Variants in FOXP2 observed in about 807,000 individuals in gnomAD.
FOXP2 encodes the protein forkhead box P2, also known as forkhead box protein P2.
Under a neutral mutation model 115.8 loss-of-function variants are expected in FOXP2, and 12 were observed. The ratio of observed to expected loss-of-function variants is 0.10; its 90% confidence interval spans 0.07 to 0.17. The LOEUF is 0.17. Among genes scored for constraint, FOXP2 ranks in the 10% least tolerant of loss-of-function variants. The probability of loss-of-function intolerance (pLI) is 1.00; values close to 1 mark genes in which losing one functional copy is unlikely to be tolerated. For synonymous variants in FOXP2, 328 were observed against 297.7 expected (o/e 1.10, Z -1.05); for missense variants, 629 against 843.5 (o/e 0.75, Z 3.15).
At chr7:114,099,122 A>G (rs772864921) in intron 1 of FOXP2, among the ~76,000 whole-genome samples, 5 of 152,140 alleles carry the variant, frequency 3.3e-5, no homozygotes, top group Non-Finnish European at 5.9e-5. Context: ...GCGACAGAGC[A>G]TGACCCTGTC....
At chr7:114,291,985 A>AATATATATTATAGATAATATATAGAAT (rs1796614608) in intron 2 of FOXP2, among the ~76,000 whole-genome samples, 1 of 33,176 alleles carries the variant, frequency 3.0e-5, no homozygotes, top group South Asian at 2.0e-3. Flanking sequence ...TAATATATAG[A>AATATATATTATAGATAATATATAGAAT]ATATATATTA....
intron 2 of FOXP2, among the ~76,000 whole-genome samples, chr7:114,508,855 A>T (rs1797943790): frequency 6.6e-6 from 1 of 152,074 alleles, no homozygotes; most frequent in East Asian, 1.9e-4. Flanking sequence ...AGAGTAATGA[A>T]TATAGCAAAT....
At chr7:114,672,508 C>T (rs974963533) in intron 16 of FOXP2, among the ~76,000 whole-genome samples, 2 of 151,966 alleles carry the variant, frequency 1.3e-5, no homozygotes, top group Admixed American at 1.3e-4. Context: ...TCGCTTGAAC[C>T]CAGGTGGCAG....
At chr7:114,460,647 T>C (rs1319354852) in intron 2 of FOXP2, among the ~76,000 whole-genome samples, 1 of 152,234 alleles carries the variant, frequency 6.6e-6, no homozygotes, top group Non-Finnish European at 1.5e-5. Flanking sequence ...TAAGTCTGAC[T>C]AGATAATTTT....
intron 1 of FOXP2, among the ~76,000 whole-genome samples, chr7:114,143,944 T>TA (rs1261596093): frequency 2.0e-5 from 3 of 152,154 alleles, no homozygotes; most frequent in African/African-American, 7.2e-5. Flanking sequence ...TGGTTTGACT[T>TA]ATAATTTTCT....
At chr7:114,159,794 A>G (rs1584514178), upstream of FOXP2, among the ~76,000 whole-genome samples, 1 of 152,204 alleles carries the variant, frequency 6.6e-6, no homozygotes, top group East Asian at 1.9e-4. Context: ...CTTGCAAAAG[A>G]CAGATTAATT....
At chr7:114,391,573 C>G (rs1792602988) in intron 2 of FOXP2, among the ~76,000 whole-genome samples, 1 of 152,176 alleles carries the variant, frequency 6.6e-6, no homozygotes, top group Non-Finnish European at 1.5e-5. Flanking sequence ...CAGAAACTGC[C>G]ATAGTGCCTG....
chr7:114,379,442 G>A (rs1392872164), intron 2 of FOXP2, among the ~76,000 whole-genome samples: 1 of 152,078 alleles, frequency 6.6e-6, no homozygotes, highest in Non-Finnish European at 1.5e-5. Flanking sequence ...GAAAACCCAA[G>A]TGTTGTTGGG....
chr7:114,510,862 A>G (rs1027172572), intron 2 of FOXP2, among the ~76,000 whole-genome samples: 52 of 152,200 alleles, frequency 3.4e-4, no homozygotes, highest in Non-Finnish European at 1.2e-4. Context: ...CTGGGTATAT[A>G]CCCAAAGGAT....
chr7:114,664,246 TG>T, intron 15 of FOXP2, 26 bp from the exon 16 acceptor site: 1 of 1,611,368 alleles, frequency 6.2e-7, no homozygotes, highest in South Asian at 1.1e-5. Flanking sequence ...TTTTGAAAGT[TG>T]TTTTACACAA....
chr7:114,113,219 A>C (rs1375795970), intron 1 of FOXP2, among the ~76,000 whole-genome samples: 1 of 152,158 alleles, frequency 6.6e-6, no homozygotes, highest in East Asian at 1.9e-4. Flanking sequence ...AAGAAGAAAT[A>C]AAAAAAGACC....
At chr7:114,332,403 A>T (rs1018587077) in intron 2 of FOXP2, among the ~76,000 whole-genome samples, 1 of 152,172 alleles carries the variant, frequency 6.6e-6, no homozygotes, top group Non-Finnish European at 1.5e-5. Context: ...TTGTTGCTGC[A>T]TGAGGAGGGT....
intron 1 of FOXP2, among the ~76,000 whole-genome samples, chr7:114,129,872 A>G (rs2129145065): frequency 6.6e-6 from 1 of 152,378 alleles, no homozygotes; most frequent in South Asian, 2.1e-4. Context: ...CAGGTACTAC[A>G]GAAAAGATAT....
chr7:114,346,623 A>G (rs1032273259), intron 2 of FOXP2, among the ~76,000 whole-genome samples: 10 of 151,864 alleles, frequency 6.6e-5, no homozygotes, highest in Non-Finnish European at 1.5e-4. Context: ...GTCATTTGCA[A>G]TTTCATAGAT....
intron 3 of FOXP2, among the ~76,000 whole-genome samples, chr7:114,540,140 A>T (rs1009444380): frequency 6.6e-6 from 1 of 152,066 alleles, no homozygotes; most frequent in African/African-American, 2.4e-5. Context: ...GTAATTTGTT[A>T]CTATTACCAG....
chr7:114,377,827 G>T (rs1792179518), intron 2 of FOXP2, among the ~76,000 whole-genome samples: 1 of 152,146 alleles, frequency 6.6e-6, no homozygotes, highest in African/African-American at 2.4e-5. Context: ...ACATTGTTTT[G>T]GAAGAGGAAA....
chr7:114,287,515 TTAAA>T (rs1195409612), intron 1 of FOXP2, among the ~76,000 whole-genome samples: 2 of 151,970 alleles, frequency 1.3e-5, no homozygotes, highest in Non-Finnish European at 2.9e-5. Context: ...AAATACAAAC[TTAAA>T]TAAGCATTTA....
intron 2 of FOXP2, among the ~76,000 whole-genome samples, chr7:114,470,598 G>A (rs1202460105): frequency 6.6e-6 from 1 of 152,080 alleles, no homozygotes; most frequent in African/African-American, 2.4e-5. Flanking sequence ...TCTATATACT[G>A]GATGGATGAG....
At chr7:114,536,586 T>G (rs1445008125) in intron 3 of FOXP2, among the ~76,000 whole-genome samples, 1 of 151,384 alleles carries the variant, frequency 6.6e-6, no homozygotes, top group Non-Finnish European at 1.5e-5. Context: ...AAGTGTCCAG[T>G]CTTGTTGTTT....
Sources: allele counts gnomAD v4.1 joint callset (sites outside exome capture counted in the v4.1 genomes callset), GRCh38; gene constraint gnomAD v4.1.1; transcripts MANE v1.5; gene names NCBI Gene and HGNC (gene_info 2026-07-23, HGNC 2026-07-21).